The following TRIM55 variants were observed in gnomAD, a reference collection of about 807,000 sequenced individuals.
TRIM55 encodes the protein tripartite motif containing 55, also known as tripartite motif-containing protein 55.
In TRIM55, 50 loss-of-function variants were observed where a neutral mutation model predicts 60.9. The ratio of observed to expected loss-of-function variants is 0.82; its 90% CI spans 0.65 to 1.04. The LOEUF (loss-of-function observed/expected upper bound fraction) is 1.04, where lower values mean the gene tolerates loss of function less well. Among genes scored for constraint, TRIM55 ranks in the 50% least tolerant of loss-of-function variants. TRIM55 has a pLI of 0.00. For synonymous variants in TRIM55, 237 were observed against 238.1 expected, an observed-to-expected ratio of 1.00 and a Z score of 0.04; for missense variants, 681 against 666.9, an observed-to-expected ratio of 1.02 and a Z score of -0.23.
chr8:66,132,778 G>A (rs1809239108), intron 2 of TRIM55, among the ~76,000 whole-genome samples: 1 of 151,878 alleles, frequency 6.6e-6, no homozygotes, highest in South Asian at 2.1e-4. Context: ...CTATGAGTAA[G>A]TGGTGCCTCT....
At chr8:66,142,509 G>C (rs1386690941) in intron 4 of TRIM55, among the ~76,000 whole-genome samples, 1 of 152,176 alleles carries the variant, frequency 6.6e-6, no homozygotes, top group South Asian at 2.1e-4. Context: ...GAACCATGGG[G>C]TTCCTGTCAG....
the TRIM55 span, among the ~76,000 whole-genome samples, chr8:66,116,013 C>G: frequency 6.6e-6 from 1 of 152,126 alleles, no homozygotes; most frequent in Non-Finnish European, 1.5e-5. Flanking sequence ...AGCATAGCAT[C>G]ATACAGCGAA....
At chr8:66,127,672 C>CA (rs531569749) in intron 1 of TRIM55, among the ~76,000 whole-genome samples, 7,672 of 141,818 alleles carry the variant, frequency 0.054, 244 homozygotes, top group African/African-American at 0.076. Flanking sequence ...ACTAAAAATA[C>CA]AAAAAAAAAA....
In TRIM55 at chr8:66,135,152, G is replaced by A; in HGVS notation, c.504G>A (p.Gln168=). ...CCCTCACTCATGTGTTCCAGAGACA[G>A]AAGGTAACAGAGCTGCTCCCTCCCT... is the stretch of plus-strand genomic sequence containing the variant. ...VAPLTHVFQR[Q]KSELSDGIAI... Residue 168 remains glutamine (Q), a synonymous_variant, in exon 3 of 10, where the codon CAG becomes CAA. Transcript: ENST00000315962. 6.2e-7 allele frequency: 1 copy of A among 1,614,086 alleles called. No individual in the cohort carries two copies. The highest frequency in any genetic ancestry group is 8.5e-7 in the Non-Finnish European group (1 of 1,179,984).
intron 9 of TRIM55, among the ~76,000 whole-genome samples, chr8:66,157,674 A>G (rs1810820209): frequency 6.6e-6 from 1 of 152,188 alleles, no homozygotes; most frequent in South Asian, 2.1e-4. Context: ...TGTAAACTAC[A>G]TTCAGCCCAC....
chr8:66,115,310 C>A, the TRIM55 span: 1 of 152,058 alleles, frequency 6.6e-6, no homozygotes, highest in African/African-American at 2.4e-5. Flanking sequence ...TTATTATTTT[C>A]AATAGTCTTT....
intron 5 of TRIM55, among the ~76,000 whole-genome samples, 156 bp from the exon 6 acceptor site, chr8:66,150,061 T>C (rs1810323596): frequency 6.6e-6 from 1 of 152,254 alleles, no homozygotes; most frequent in African/African-American, 2.4e-5. Flanking sequence ...ATGATACTGC[T>C]TAAATCTAAT....
intron 9 of TRIM55, among the ~76,000 whole-genome samples, chr8:66,171,496 G>A (rs992300469): frequency 6.6e-6 from 1 of 152,168 alleles, no homozygotes; most frequent in Admixed American, 6.5e-5. Flanking sequence ...TAAAAAACAT[G>A]TGACTGTAAT....
At chr8:66,135,355 C>T (rs368105063) in intron 3 of TRIM55, among the ~76,000 whole-genome samples, 200 bp downstream of exon 3, 24 of 152,288 alleles carry the variant, frequency 1.6e-4, no homozygotes, top group Admixed American at 3.3e-4. Context: ...ATTCCCTGGA[C>T]GGTGGGGGAC....
intron 9 of TRIM55, among the ~76,000 whole-genome samples, chr8:66,161,128 A>G (rs946619921): frequency 1.3e-5 from 2 of 151,822 alleles, no homozygotes; most frequent in Non-Finnish European, 2.9e-5. Context: ...TTCTGATGCT[A>G]TTGTCTAGAA....
intron 9 of TRIM55, among the ~76,000 whole-genome samples, chr8:66,157,287 G>GA (rs1303137214): frequency 2.0e-5 from 3 of 152,148 alleles, no homozygotes; most frequent in Non-Finnish European, 4.4e-5. Context: ...ATAGTTCTTG[G>GA]TGTTTGAGGA....
At position 66,149,723 on chromosome 8, in the gene TRIM55, G is replaced by T; in HGVS notation, c.682G>T (p.Glu228Ter). The stretch of plus-strand genomic sequence containing the variant: ...TGGCATTTTGGAGGAGAGGAAGAAT[G>T]AAATGACCCAAGTCATTACCCGAAC... ...LYGILEERKNEMTQVITRTQE... is the reference protein window; with the variant it reads ...LYGILEERKN Residue 228 changes from glutamate to a stop codon, truncating the protein, a stop_gained, in exon 5 of 10, where the codon GAA (glutamate) becomes TAA (stop). Coordinates refer to ENST00000315962, the MANE Select transcript of TRIM55 (RefSeq NM_184085.2). LOFTEE classifies it high-confidence loss of function. The T allele has an allele frequency of 6.2e-7, 1 of 1,614,184 alleles. No individual in the cohort carries two copies. The highest frequency in any genetic ancestry group is 8.5e-7 in the Non-Finnish European group (1 of 1,180,008).
the TRIM55 span, among the ~76,000 whole-genome samples, chr8:66,114,118 A>G: frequency 1.5e-5 from 2 of 137,422 alleles, no homozygotes; most frequent in African/African-American, 5.3e-5. Flanking sequence ...TTGAACCAAA[A>G]AAGTCTGTCT....
At chr8:66,154,359 A>G (rs745541644) in intron 9 of TRIM55, 25 bp downstream of exon 9, 1 of 1,607,838 alleles carries the variant, frequency 6.2e-7, no homozygotes, top group East Asian at 2.2e-5. Flanking sequence ...ACTTGTGTCT[A>G]TGCTTTCCCG....
chr8:66,139,883 T>C (rs1809705782), intron 4 of TRIM55, among the ~76,000 whole-genome samples: 1 of 152,230 alleles, frequency 6.6e-6, no homozygotes, highest in African/African-American at 2.4e-5. Flanking sequence ...GTACAGAAAG[T>C]ACAGTCATGC....
intron 4 of TRIM55, among the ~76,000 whole-genome samples, chr8:66,144,814 A>G (rs1367719156): frequency 6.6e-6 from 1 of 152,222 alleles, no homozygotes; most frequent in Non-Finnish European, 1.5e-5. Flanking sequence ...AGAGACAAAT[A>G]TGGTTGCTAT....
At chr8:66,170,668 A>G (rs193139106) in intron 9 of TRIM55, among the ~76,000 whole-genome samples, 172 of 152,342 alleles carry the variant, frequency 1.1e-3, no homozygotes, top group Non-Finnish European at 1.8e-3. Context: ...AGGATGTGGT[A>G]AAATTGGAAC....
the TRIM55 span, among the ~76,000 whole-genome samples, chr8:66,118,000 A>G: frequency 1.3e-5 from 2 of 151,120 alleles, no homozygotes; most frequent in African/African-American, 4.9e-5. Context: ...CCCCATCTCT[A>G]CTAAAAAATA....
chr8:66,135,191 C>T, intron 3 of TRIM55, 36 bp downstream of exon 3: 1 of 1,611,320 alleles, frequency 6.2e-7, no homozygotes, highest in South Asian at 1.1e-5. Context: ...GCAACCCCTC[C>T]CCATCCCCAC....
Sources: allele counts gnomAD v4.1 joint callset (sites outside exome capture counted in the v4.1 genomes callset), GRCh38; gene constraint gnomAD v4.1.1; transcripts MANE v1.5; gene names NCBI Gene and HGNC (gene_info 2026-07-23, HGNC 2026-07-21).